DTNB: variants seen among roughly 807,000 people sequenced by gnomAD.
The protein encoded by DTNB is DTN-B.
In DTNB, 63 loss-of-function variants were observed where a neutral mutation model predicts 90.7. That is an observed-to-expected ratio of 0.69 (90% confidence interval 0.57 to 0.86). DTNB has a LOEUF of 0.86. Ranked by LOEUF, DTNB falls within the 40% of genes least tolerant of loss-of-function variation. DTNB has a pLI of 0.00. For missense variants in DTNB, 744 were observed against 807.1 expected (o/e 0.92, Z 0.95); for synonymous variants, 277 against 286.7 (o/e 0.97, Z 0.34).
intron 8 of DTNB, among the ~76,000 whole-genome samples, chr2:25,552,604 T>A (rs1274922319): frequency 6.6e-6 from 1 of 152,190 alleles, no homozygotes; most frequent in Non-Finnish European, 1.5e-5. Context: ...GGTTTCCTTT[T>A]GCAAACAGAT....
At position 25,387,306 on chromosome 2, in the gene DTNB, A is replaced by G; in HGVS notation, c.1808T>C (p.Val603Ala). The stretch of plus-strand genomic sequence containing the variant: ...GGTTTCACCTGAATGGAGCTCCTTC[A>G]CCAGGGATGACATGGTGTTGGTGAT... ...DSITNTMSSL[V>A]KELHSAEEGA... is the part of the protein sequence containing the mutation. Residue 603 changes from valine to alanine, a missense_variant, in exon 18 of 21, where the codon GTG becomes GCG. Transcript: ENST00000406818. The surrounding 1 kb of genome is among the most constrained non-coding windows in gnomAD (Gnocchi z 4.5). The G allele has an allele frequency of 3.1e-6, 5 of 1,610,892 alleles. No homozygotes were observed. The highest frequency in any genetic ancestry group is 4.2e-6 in the Non-Finnish European group (5 of 1,178,816).
At chr2:25,510,807 T>A (rs539332533) in intron 9 of DTNB, among the ~76,000 whole-genome samples, 1 of 152,246 alleles carries the variant, frequency 6.6e-6, no homozygotes. Flanking sequence ...CACGCCCAGC[T>A]TAAGTGCCTT....
chr2:25,633,374 C>T (rs554880953), intron 3 of DTNB, among the ~76,000 whole-genome samples: 6 of 152,126 alleles, frequency 3.9e-5, no homozygotes, highest in Non-Finnish European at 8.8e-5. Context: ...CTGTGTTGGC[C>T]GGGCTGGTCT....
chr2:25,495,634 G>A (rs1045753863), intron 9 of DTNB, among the ~76,000 whole-genome samples: 4 of 152,016 alleles, frequency 2.6e-5, no homozygotes, highest in Non-Finnish European at 2.9e-5. Context: ...TGATCTCCTT[G>A]AGTAGCATGC....
chr2:25,441,780 G>A (rs1650669958), intron 12 of DTNB, among the ~76,000 whole-genome samples: 1 of 146,266 alleles, frequency 6.8e-6, no homozygotes, highest in Non-Finnish European at 1.5e-5. Flanking sequence ...TTTCAATCAG[G>A]GAAACCTGAA....
chr2:25,509,172 A>G (rs1452924345), intron 9 of DTNB, among the ~76,000 whole-genome samples: 1 of 152,166 alleles, frequency 6.6e-6, no homozygotes, highest in Non-Finnish European at 1.5e-5. Flanking sequence ...GTATTACTGC[A>G]CTAGCTAGGA....
intron 9 of DTNB, 78 bp downstream of exon 9, chr2:25,531,395 C>T (rs980345176): frequency 6.5e-7 from 1 of 1,544,202 alleles, no homozygotes; most frequent in Non-Finnish European, 8.7e-7. Context: ...GTTAAGTGAT[C>T]CCTGGTTTTG....
intron 8 of DTNB, among the ~76,000 whole-genome samples, chr2:25,534,462 T>A (rs1022690310): frequency 6.6e-6 from 1 of 152,122 alleles, no homozygotes; most frequent in African/African-American, 2.4e-5. Context: ...TTCCCCCTTT[T>A]CTTTTCGACA....
chr2:25,511,081 T>A (rs1261967861), intron 9 of DTNB, among the ~76,000 whole-genome samples: 1 of 152,238 alleles, frequency 6.6e-6, no homozygotes. Context: ...GTTTCCTACC[T>A]GACAACTTGG....
chr2:25,530,167 G>A (rs950544800), intron 9 of DTNB, among the ~76,000 whole-genome samples: 4 of 152,160 alleles, frequency 2.6e-5, no homozygotes, highest in South Asian at 2.1e-4. Flanking sequence ...TGGGCGCAGT[G>A]GCTCATGCCT....
chr2:25,607,545 T>C (rs2067401770), intron 4 of DTNB, among the ~76,000 whole-genome samples: 1 of 152,172 alleles, frequency 6.6e-6, no homozygotes, highest in African/African-American at 2.4e-5. Flanking sequence ...CTGGAAGTTT[T>C]AGAAACATTC....
chr2:25,430,528 T>C (rs1001980103), intron 14 of DTNB, among the ~76,000 whole-genome samples: 4 of 151,096 alleles, frequency 2.6e-5, no homozygotes, highest in African/African-American at 4.9e-5. Context: ...ATGGTGGGGG[T>C]AGGGGGTGGA....
At chr2:25,610,331 T>C (rs768590460) in intron 4 of DTNB, among the ~76,000 whole-genome samples, 6 of 152,198 alleles carry the variant, frequency 3.9e-5, no homozygotes, top group Non-Finnish European at 7.3e-5. Context: ...TGTAATGTAA[T>C]ATTTATCACT....
chr2:25,441,044 G>T (rs563239923), intron 12 of DTNB, among the ~76,000 whole-genome samples: 1 of 152,242 alleles, frequency 6.6e-6, no homozygotes, highest in South Asian at 2.1e-4. Context: ...CCTGGTTCAC[G>T]TGGAAGGACA....
At chr2:25,449,912 A>G (rs1037280617) in intron 12 of DTNB, among the ~76,000 whole-genome samples, 4 of 151,490 alleles carry the variant, frequency 2.6e-5, no homozygotes, top group Non-Finnish European at 4.4e-5. Flanking sequence ...ACAGGCGCAC[A>G]CTGCCACGCC....
At chr2:25,436,013 T>G (rs1190114968) in intron 12 of DTNB, among the ~76,000 whole-genome samples, 1 of 152,218 alleles carries the variant, frequency 6.6e-6, no homozygotes, top group Non-Finnish European at 1.5e-5. Flanking sequence ...GCATATCCAC[T>G]GATATTTCTG....
At chr2:25,514,322 T>C (rs1348176493) in intron 9 of DTNB, among the ~76,000 whole-genome samples, 1 of 152,142 alleles carries the variant, frequency 6.6e-6, no homozygotes, top group African/African-American at 2.4e-5. Flanking sequence ...CACTTGGTAT[T>C]TGCAAGGAAC....
At chr2:25,666,936 T>C (rs949298257) in intron 1 of DTNB, among the ~76,000 whole-genome samples, 7 of 152,112 alleles carry the variant, frequency 4.6e-5, no homozygotes, top group African/African-American at 1.7e-4. Flanking sequence ...GTTTATCTAA[T>C]ACTCTAGGCT....
chr2:25,495,846 G>T (rs1327989012), intron 9 of DTNB, among the ~76,000 whole-genome samples: 1 of 152,162 alleles, frequency 6.6e-6, no homozygotes, highest in Non-Finnish European at 1.5e-5. Context: ...CTGACTTCCG[G>T]GAAGTGCATT....
Sources: gnomAD v4.1 joint callset for allele counts (sites outside exome capture counted in the v4.1 genomes callset) on GRCh38, gnomAD v4.1.1 for gene constraint, Gnocchi (gnomAD v3.1) non-coding constraint, MANE v1.5 for transcripts, NCBI Gene and HGNC (gene_info 2026-07-23, HGNC 2026-07-21) for gene names.